CDH7: variants seen among roughly 807,000 people sequenced by gnomAD.
CDH7 encodes the protein cadherin 7.
A neutral mutation model predicts 71.8 loss-of-function variants in CDH7; 25 were observed. The observed-to-expected ratio is 0.35, with a 90% CI of 0.25 to 0.49. CDH7 has a LOEUF of 0.49. CDH7 is among the 20% of genes least tolerant of loss of function. CDH7 has a pLI of 0.99. For missense variants in CDH7, 862 were observed against 974.6 expected (o/e 0.88, Z 1.54); for synonymous variants, 381 against 363.8 (o/e 1.05, Z -0.54).
chr18:65,754,729 A>G (rs944691700), intron 1 of CDH7, among the ~76,000 whole-genome samples: 2 of 152,180 alleles, frequency 1.3e-5, no homozygotes, highest in African/African-American at 4.8e-5. Flanking sequence ...ATTTTGCCAA[A>G]CAAAATGGCC....
chr18:65,840,813 A>G (rs1179866198), intron 6 of CDH7, among the ~76,000 whole-genome samples: 1 of 152,168 alleles, frequency 6.6e-6, no homozygotes, highest in East Asian at 1.9e-4. Context: ...GAACTAGTAC[A>G]ATGTACTTCC....
At chr18:65,811,242 G>A (rs560259037) in intron 3 of CDH7, among the ~76,000 whole-genome samples, 2 of 151,066 alleles carry the variant, frequency 1.3e-5, no homozygotes, top group Admixed American at 6.6e-5. Context: ...ACATACCTAC[G>A]ACACTGAGGA....
intron 2 of CDH7, among the ~76,000 whole-genome samples, chr18:65,781,421 A>C (rs568829578): frequency 5.3e-5 from 8 of 152,318 alleles, no homozygotes; most frequent in Non-Finnish European, 1.2e-4. Context: ...AAATAATCTG[A>C]CCATACATAT....
At position 65,889,447 on chromosome 18, in the gene CDH7, C is replaced by T. The variant is rs1914452083; in HGVS notation, c.*8553C>T. The T allele has an allele frequency of 6.6e-6, 1 of 152,186 alleles. No individual in the cohort carries two copies. Among genetic ancestry groups the T allele is most frequent in the Non-Finnish European group, 1.5e-5 (1 of 68,060 alleles). The allele number at this position is 152,186 out of a possible 1,614,324, so 9.4% of individuals were successfully genotyped here. A position where few individuals can be genotyped will look rare whatever the true frequency, so the allele number is the denominator to read the frequency against. On this transcript the variant is annotated 3_prime_UTR_variant, in exon 12 of 12. Transcript: ENST00000397968. The stretch of plus-strand genomic sequence containing the variant: ...ATGTCATTTGAGGCCAGTTTCACCC[C>T]TACCTCCCATAAATCATTTTAAACC...
intron 7 of CDH7, among the ~76,000 whole-genome samples, chr18:65,845,800 G>A (rs1912914433): frequency 6.6e-6 from 1 of 152,038 alleles, no homozygotes; most frequent in South Asian, 2.1e-4. Flanking sequence ...ACAAATGCCT[G>A]TAGTTCTAGC....
intron 2 of CDH7, among the ~76,000 whole-genome samples, chr18:65,784,187 A>G (rs1319894338): frequency 6.8e-6 from 1 of 146,084 alleles, no homozygotes; most frequent in Non-Finnish European, 1.5e-5. Context: ...TCTAGGCTCA[A>G]TCACCCATCT....
At chr18:65,769,662 G>A (rs915729573) in intron 2 of CDH7, among the ~76,000 whole-genome samples, 1 of 152,068 alleles carries the variant, frequency 6.6e-6, no homozygotes, top group African/African-American at 2.4e-5. Context: ...CCTTTCATCT[G>A]TCCTGTTTCC....
At chr18:65,775,521 T>G (rs1000999098) in intron 2 of CDH7, among the ~76,000 whole-genome samples, 1 of 152,224 alleles carries the variant, frequency 6.6e-6, no homozygotes, top group African/African-American at 2.4e-5. Context: ...AGGTGTTTTA[T>G]TTTCAAGCAT....
intron 2 of CDH7, among the ~76,000 whole-genome samples, chr18:65,798,913 T>C (rs1231784331): frequency 2.0e-5 from 3 of 152,124 alleles, no homozygotes; most frequent in Non-Finnish European, 4.4e-5. Context: ...TGACGTGCCC[T>C]AGAGTCAGCC....
chr18:65,781,813 TC>T (rs1229476897), intron 2 of CDH7, among the ~76,000 whole-genome samples: 10 of 86,976 alleles, frequency 1.1e-4, no homozygotes, highest in Non-Finnish European at 1.9e-4. Context: ...CTTCCTTCCT[TC>T]CTTCCTTCTT....
chr18:65,841,207 G>C (rs558384016), intron 6 of CDH7, among the ~76,000 whole-genome samples: 1 of 151,996 alleles, frequency 6.6e-6, no homozygotes, highest in Non-Finnish European at 1.5e-5. Flanking sequence ...ATGCATAATA[G>C]TGTGTTTTTT....
intron 6 of CDH7, among the ~76,000 whole-genome samples, chr18:65,827,202 A>G (rs951198764): frequency 1.1e-4 from 16 of 151,916 alleles, no homozygotes; most frequent in Middle Eastern, 6.9e-3. Flanking sequence ...ACTAAAATTA[A>G]ATTTTATTTT....
At position 65,880,811 on chromosome 18, in the gene CDH7, T is replaced by A. The variant is rs1914206795; in HGVS notation, c.2275T>A (p.Tyr759Asn). 6.2e-7 allele frequency: 1 copy of A among 1,614,112 alleles called. No individual in the cohort carries two copies. The highest frequency in any genetic ancestry group is 8.5e-7 in the Non-Finnish European group (1 of 1,180,002). Reference protein sequence around the residue: ...DSISSNSDQNYDYLSDWGPRF... With the variant: ...DSISSNSDQNNDYLSDWGPRF... Reference sequence around the variant, plus strand: ...CATCAGCTCAAACTCTGATCAGAACTATGACTACCTAAGTGACTGGGGACC... The same window carrying A: ...CATCAGCTCAAACTCTGATCAGAACAATGACTACCTAAGTGACTGGGGACC... Residue 759 changes from tyrosine to asparagine, a missense_variant, in exon 12 of 12, where the codon TAT (tyrosine) becomes AAT (asparagine). Coordinates refer to ENST00000397968, the MANE Select transcript of CDH7 (RefSeq NM_004361.5).
rs1016483272 is a variant in CDH7, at chr18:65,888,506, G to A, written c.*7612G>A. 5 of 151,896 alleles carry A rather than the reference G, an allele frequency of 3.3e-5. No individual in the cohort carries two copies. Among genetic ancestry groups the A allele is most frequent in the African/African-American group, 9.7e-5 (4 of 41,346 alleles). The allele number at this position is 151,896 out of a possible 1,614,324, so 9.4% of individuals were successfully genotyped here. A position where few individuals can be genotyped will look rare whatever the true frequency, so the allele number is the denominator to read the frequency against. ...TCCAGCTTATACCTCCTGACAACTC[G>A]GTACAGAAAATGAGTATCATTGTAA... is the stretch of plus-strand genomic sequence containing the variant. On this transcript the variant is annotated 3_prime_UTR_variant, in exon 12 of 12. Transcript: ENST00000397968.
At position 65,886,693 on chromosome 18, in the gene CDH7, A is replaced by G. The variant is rs1914382258; in HGVS notation, c.*5799A>G. 6.6e-6 allele frequency: 1 copy of G among 152,238 alleles called. No homozygotes were observed. The highest frequency in any genetic ancestry group is 2.1e-4 in the South Asian group (1 of 4,830). The allele number at this position is 152,238 out of a possible 1,614,324, so 9.4% of individuals were successfully genotyped here. On this transcript the variant is annotated 3_prime_UTR_variant, in exon 12 of 12. Transcript: ENST00000397968. The stretch of plus-strand genomic sequence containing the variant: ...AGAAAATGAAGTTCTAGAGAATACA[A>G]TACTTTTTAAAGTCACAGTGACATA...
chr18:65,765,910 C>G (rs12967784), intron 2 of CDH7, among the ~76,000 whole-genome samples: 59,349 of 151,424 alleles, frequency 0.39, 12,675 homozygotes, highest in African/African-American at 0.57. Context: ...TTCTGTTACT[C>G]AATAAATCCG....
chr18:65,799,648 C>T (rs778467278), intron 2 of CDH7, among the ~76,000 whole-genome samples: 42 of 151,834 alleles, frequency 2.8e-4, no homozygotes, highest in Admixed American at 6.6e-5. Context: ...TGCAGTGCAG[C>T]CTGGGTGACA....
chr18:65,824,737 A>T lies in CDH7; in HGVS notation c.887A>T (p.Glu296Val), dbSNP rs956014304. The change falls in exon 6 of 12, where the codon GAA becomes GTA. Residue 296 changes from glutamate to valine, a missense_variant. Transcript: ENST00000397968. The stretch of plus-strand genomic sequence containing the variant: ...GATGCAGATATTGGAGCTAATGCTG[A>T]AATGGAGTACAAGATTGTGGATGGT... ...AADADIGANA[E>V]MEYKIVDGDG... 1.3e-5 allele frequency: 21 copies of T among 1,612,684 alleles called. No individual in the cohort carries two copies. Among genetic ancestry groups the T allele is most frequent in the Admixed American group, 1.7e-5 (1 of 59,966 alleles).
At position 65,814,539 on chromosome 18, in the gene CDH7, A is replaced by C; in HGVS notation, c.560A>C (p.Asn187Thr). 6.2e-7 allele frequency: 1 copy of C among 1,613,690 alleles called. No individual in the cohort carries two copies. Among genetic ancestry groups the C allele is most frequent in the Non-Finnish European group, 8.5e-7 (1 of 1,179,662 alleles). ...ATDADDPTYG[N>T]SARVVYSILQ... The stretch of plus-strand genomic sequence containing the variant: ...GATGCTGATGATCCTACATATGGCA[A>C]CAGTGCCAGAGTGGTCTACAGTATT... Residue 187 changes from asparagine (N) to threonine (T), a missense_variant, in exon 4 of 12, where the codon AAC becomes ACC. Transcript: ENST00000397968.
Sources: allele counts gnomAD v4.1 joint callset (sites outside exome capture counted in the v4.1 genomes callset), GRCh38; gene constraint gnomAD v4.1.1; transcripts MANE v1.5; gene names NCBI Gene and HGNC (gene_info 2026-07-23, HGNC 2026-07-21).